The following DIP2B variants were observed in gnomAD, a reference collection of about 807,000 sequenced individuals.
DIP2B encodes DIP2 acetate--CoA ligase B (putative).
Under a neutral mutation model 198.0 loss-of-function variants are expected in DIP2B, and 76 were observed. That is an observed-to-expected ratio of 0.38 (90% CI 0.32 to 0.46). The LOEUF is 0.46. DIP2B is among the 20% of genes least tolerant of loss of function. The pLI is 0.99. For missense variants in DIP2B, 1,559 were observed against 1,978.4 expected (o/e 0.79, Z 4.02); for synonymous variants, 701 against 739.1 (o/e 0.95, Z 0.84).
At chr12:50,507,289 A>C (rs1168258431) in intron 1 of DIP2B, among the ~76,000 whole-genome samples, 1 of 152,214 alleles carries the variant, frequency 6.6e-6, no homozygotes, top group Non-Finnish European at 1.5e-5. Context: ...AAAAAATACA[A>C]TTGAAAAACT....
chr12:50,664,966 A>T (rs1191219259), intron 4 of DIP2B, among the ~76,000 whole-genome samples: 1 of 149,396 alleles, frequency 6.7e-6, no homozygotes, highest in Non-Finnish European at 1.5e-5. Context: ...CTCCCACCTC[A>T]GCCTCTCTAG....
chr12:50,669,875 A>G (rs1044429667), intron 4 of DIP2B, among the ~76,000 whole-genome samples: 7 of 152,246 alleles, frequency 4.6e-5, no homozygotes, highest in Non-Finnish European at 1.0e-4. Context: ...AAAGCAGAAC[A>G]TGAACCTACA....
intron 1 of DIP2B, among the ~76,000 whole-genome samples, chr12:50,530,234 G>A (rs1281509442): frequency 1.3e-5 from 2 of 152,072 alleles, no homozygotes; most frequent in African/African-American, 4.8e-5. Context: ...CCGCCATCAC[G>A]CCTGGCTAAT....
At chr12:50,740,746 C>G (rs986103799) in intron 36 of DIP2B, among the ~76,000 whole-genome samples, 1 of 152,214 alleles carries the variant, frequency 6.6e-6, no homozygotes, top group African/African-American at 2.4e-5. Flanking sequence ...GAAACCAGGA[C>G]TAGTTTCCTC....
In DIP2B at chr12:50,693,001, C is replaced by T. The variant is rs535005337; in HGVS notation, c.1707C>T (p.His569=). Residue 569 remains histidine, a synonymous_variant, in exon 14 of 38, where the codon CAC becomes CAT. Transcript: ENST00000301180. ...LDFKKDAGLW[H]GMFANVMNKM... ...TTAAGAAGGATGCTGGGCTGTGGCA[C>T]GGCATGTTTGCGGTAAGCTACTCAG... is the stretch of plus-strand genomic sequence containing the variant. 6.5e-5 allele frequency: 105 copies of T among 1,610,930 alleles called. No individual in the cohort carries two copies. Among genetic ancestry groups the T allele is most frequent in the South Asian group, 1.2e-4 (11 of 90,316 alleles).
intron 30 of DIP2B, 59 bp downstream of exon 30, chr12:50,728,737 C>CA (rs1158319543): frequency 1.9e-6 from 3 of 1,576,162 alleles, no homozygotes; most frequent in African/African-American, 1.4e-5. Context: ...TGGCCATGGC[C>CA]ATCTCATCCT....
intron 1 of DIP2B, among the ~76,000 whole-genome samples, chr12:50,554,070 A>G (rs1459478508): frequency 6.6e-6 from 1 of 152,186 alleles, no homozygotes; most frequent in Non-Finnish European, 1.5e-5. Flanking sequence ...TCGTCACAAC[A>G]GATAGCTCTT....
chr12:50,510,258 C>T (rs140726100), intron 1 of DIP2B, among the ~76,000 whole-genome samples: 1 of 152,158 alleles, frequency 6.6e-6, no homozygotes, highest in Admixed American at 6.5e-5. Context: ...AATTTACAGA[C>T]AAATTCACTG....
intron 26 of DIP2B, among the ~76,000 whole-genome samples, chr12:50,721,933 A>G (rs1310185658): frequency 2.8e-5 from 4 of 144,440 alleles, no homozygotes; most frequent in Non-Finnish European, 6.1e-5. Context: ...GCTGATGTAT[A>G]AAAAGCCATC....
chr12:50,609,494 A>G (rs1244917458), intron 1 of DIP2B, among the ~76,000 whole-genome samples: 4 of 152,172 alleles, frequency 2.6e-5, no homozygotes, highest in Non-Finnish European at 5.9e-5. Flanking sequence ...TTCATCATCT[A>G]CTGGTCTGGC....
At position 50,605,537 on chromosome 12, in the gene DIP2B, C is replaced by T. The variant is rs182899226; in HGVS notation, c.101-20439C>T. ...GAGATCACACCACTGCACTGCAGCC[C>T]GGTCAACAGAGTGAGACCCTGTCTC... On this transcript the variant is annotated intron_variant, in intron 1 of 37. Coordinates refer to ENST00000301180, the MANE Select transcript of DIP2B (RefSeq NM_173602.3). Among the ~76,000 whole-genome samples, 412 of 152,166 alleles carry T rather than the reference C, an allele frequency of 2.7e-3. 6 individuals are homozygous for T. In the Middle Eastern group the frequency reaches 0.027, roughly 10 times the overall value.
At chr12:50,507,747 G>T (rs1055687980) in intron 1 of DIP2B, among the ~76,000 whole-genome samples, 8 of 152,180 alleles carry the variant, frequency 5.3e-5, no homozygotes, top group African/African-American at 1.9e-4. Context: ...TGTTGGCCAG[G>T]CTGATCTTAA....
intron 1 of DIP2B, among the ~76,000 whole-genome samples, chr12:50,568,915 C>T (rs1005260247): frequency 7.9e-5 from 12 of 151,998 alleles, no homozygotes; most frequent in South Asian, 2.1e-4. Flanking sequence ...GAATAAAGTA[C>T]TGATAAGCTT....
chr12:50,525,357 C>CACAAA (rs1958153730), intron 1 of DIP2B, among the ~76,000 whole-genome samples: 2 of 105,854 alleles, frequency 1.9e-5, no homozygotes, highest in Admixed American at 9.4e-5. Context: ...GACTCCATCT[C>CACAAA]AAAAAAAAAA....
chr12:50,655,998 T>C (rs1018258184), intron 3 of DIP2B, among the ~76,000 whole-genome samples: 1 of 152,062 alleles, frequency 6.6e-6, no homozygotes, highest in Non-Finnish European at 1.5e-5. Context: ...AAACAATTTT[T>C]AAAATGTACT....
chr12:50,633,908 T>C (rs1171891426), intron 2 of DIP2B, among the ~76,000 whole-genome samples: 1 of 152,202 alleles, frequency 6.6e-6, no homozygotes, highest in Non-Finnish European at 1.5e-5. Flanking sequence ...GTTTCTTTAG[T>C]TAAACAAGAG....
At chr12:50,536,450 TAAGA>T (rs1402310646) in intron 1 of DIP2B, among the ~76,000 whole-genome samples, 3 of 152,172 alleles carry the variant, frequency 2.0e-5, no homozygotes, top group Admixed American at 2.0e-4. Context: ...CCTATGTCTT[TAAGA>T]AAGAAGAAAA....
intron 2 of DIP2B, among the ~76,000 whole-genome samples, chr12:50,627,428 G>A (rs1204186117): frequency 6.6e-6 from 1 of 152,104 alleles, no homozygotes; most frequent in Admixed American, 6.6e-5. Context: ...CAATCTCCCA[G>A]GTTTAAATGA....
At chr12:50,604,253 A>G (rs114244924) in intron 1 of DIP2B, among the ~76,000 whole-genome samples, 1,632 of 152,038 alleles carry the variant, frequency 0.011, 24 homozygotes, top group African/African-American at 0.038. Context: ...TTGAGAACCT[A>G]ATGTATTAAA....
Sources: allele counts gnomAD v4.1 joint callset (sites outside exome capture counted in the v4.1 genomes callset), GRCh38; gene constraint gnomAD v4.1.1; transcripts MANE v1.5; gene names NCBI Gene and HGNC (gene_info 2026-07-23, HGNC 2026-07-21).